VCAN: variants seen among roughly 807,000 people sequenced by gnomAD.
VCAN encodes versican.
A neutral mutation model predicts 245.5 loss-of-function variants in VCAN; 44 were observed. The ratio of observed to expected loss-of-function variants is 0.18; its 90% CI spans 0.14 to 0.23. The LOEUF (loss-of-function observed/expected upper bound fraction) is 0.23, where lower values mean the gene tolerates loss of function less well. Ranked by LOEUF, VCAN falls within the 10% of genes least tolerant of loss-of-function variation. VCAN has a pLI of 1.00. For synonymous variants in VCAN, 1,413 were observed against 1,437.0 expected, an observed-to-expected ratio of 0.98 and a Z score of 0.38; for missense variants, 3,793 against 4,057.9, an observed-to-expected ratio of 0.93 and a Z score of 1.77.
At position 83,490,136 on chromosome 5, in the gene VCAN, T is replaced by G. The variant is rs142740596; in HGVS notation, c.109T>G (p.Ser37Ala). 59 of 1,614,068 alleles carry G rather than the reference T, an allele frequency of 3.7e-5. No individual in the cohort carries two copies. The highest frequency in any genetic ancestry group is 1.3e-5 in the Non-Finnish European group (15 of 1,180,046). Residue 37 changes from serine to alanine, a missense_variant, in exon 3 of 15, where the codon TCT (serine) becomes GCT (alanine). Physicochemically the swap from Ser to Ala is moderately conservative, Grantham distance 99. Transcript: ENST00000265077. The part of the protein sequence containing the change: ...GKSPPVRGSL[S>A]GKVSLPCHFS... ...AAGCCCACCGGTGAGGGGCTCCCTC[T>G]CTGGAAAAGTCAGCCTACCTTGTCA...
intron 9 of VCAN, among the ~76,000 whole-genome samples, chr5:83,546,343 C>T (rs1363080745): frequency 2.0e-5 from 3 of 151,988 alleles, no homozygotes; most frequent in Non-Finnish European, 4.4e-5. Flanking sequence ...TTAGAGATAT[C>T]ATGAAGGTTT....
intron 5 of VCAN, among the ~76,000 whole-genome samples, chr5:83,509,956 C>T (rs188348971): frequency 1.1e-4 from 17 of 152,330 alleles, no homozygotes; most frequent in African/African-American, 4.1e-4. Context: ...AGAGACCTAG[C>T]TTCTTAATAA....
chr5:83,547,795 A>G (rs1317820932), intron 9 of VCAN, among the ~76,000 whole-genome samples, 176 bp from the exon 10 acceptor site: 1 of 152,238 alleles, frequency 6.6e-6, no homozygotes, highest in Non-Finnish European at 1.5e-5. Flanking sequence ...ACTTTGTAGT[A>G]TAGGTTTGCC....
intron 13 of VCAN, among the ~76,000 whole-genome samples, chr5:83,576,438 T>A (rs1748482751): frequency 6.6e-6 from 1 of 152,166 alleles, no homozygotes; most frequent in South Asian, 2.1e-4. Flanking sequence ...ATTTCTTGTA[T>A]AACTATACAA....
At chr5:83,472,990 C>T (rs780735203) in intron 1 of VCAN, among the ~76,000 whole-genome samples, 19 of 152,204 alleles carry the variant, frequency 1.2e-4, no homozygotes, top group Non-Finnish European at 2.6e-4. Flanking sequence ...CTGGGTCAGT[C>T]CTCTCGCCCA....
intron 6 of VCAN, among the ~76,000 whole-genome samples, chr5:83,516,563 G>A (rs1745864956): frequency 6.6e-6 from 1 of 152,242 alleles, no homozygotes; most frequent in African/African-American, 2.4e-5. Context: ...CATAAGTACA[G>A]TGATGTGAAA....
At chr5:83,533,072 G>A (rs1018867377) in intron 7 of VCAN, among the ~76,000 whole-genome samples, 4 of 151,972 alleles carry the variant, frequency 2.6e-5, no homozygotes, top group African/African-American at 4.8e-5. Flanking sequence ...ACACAATAGA[G>A]TTTATTTTAG....
intron 13 of VCAN, among the ~76,000 whole-genome samples, 193 bp downstream of exon 13, chr5:83,572,753 T>TA (rs1311301055): frequency 6.6e-6 from 1 of 152,140 alleles, no homozygotes; most frequent in Non-Finnish European, 1.5e-5. Context: ...GTTCTCACCT[T>TA]AGATTTCAGG....
At chr5:83,561,187 C>A (rs754157753) in intron 12 of VCAN, among the ~76,000 whole-genome samples, 1 of 152,096 alleles carries the variant, frequency 6.6e-6, no homozygotes, top group Non-Finnish European at 1.5e-5. Flanking sequence ...GGGAAATTAT[C>A]ACAGCTTCCT....
intron 7 of VCAN, chr5:83,531,521 G>C (rs1269628822): frequency 6.6e-6 from 1 of 152,036 alleles, no homozygotes; most frequent in Admixed American, 6.6e-5. Context: ...GCTGTCTATT[G>C]TATTTTTTAA....
In VCAN at chr5:83,483,575, T is replaced by G; in HGVS notation, c.57T>G (p.His19Gln). The G allele has an allele frequency of 6.2e-7, 1 of 1,613,400 alleles. No homozygotes were observed. Among genetic ancestry groups the G allele is most frequent in the South Asian group, 1.1e-5 (1 of 91,062 alleles). Residue 19 changes from histidine to glutamine, a missense_variant, in exon 2 of 15, where the codon CAT (histidine) becomes CAG (glutamine). This residue lies in a region of VCAN where 179 missense variants were observed against 169.7 expected (regional missense o/e 1.05). Transcript: ENST00000265077. Reference protein sequence around the residue: ...LWMCSTLIVTHALHKVKVGKS... With the variant: ...LWMCSTLIVTQALHKVKVGKS... ...TGTGTTCAACCTTAATAGTAACCCATGCGCTACATAAAGGTGAGTGTGCTA... is the reference window on the plus strand; with the variant it reads ...TGTGTTCAACCTTAATAGTAACCCAGGCGCTACATAAAGGTGAGTGTGCTA...
rs35648048 is a variant in VCAN at position 83,538,190 on chromosome 5, G to A, written c.5187G>A (p.Glu1729=). ...TVEEKKRKEE[E]GTTGTASTFE... is the part of the protein sequence containing the mutation. ...AGGAAAAGAAAAGGAAGGAGGAGGA[G>A]GGAACTACAGGTACGGCTTCTACAT... The change falls in exon 8 of 15, where the codon GAG becomes GAA. Residue 1729 remains glutamate, a synonymous_variant. Coordinates refer to ENST00000265077, the MANE Select transcript of VCAN (RefSeq NM_004385.5). 4.2e-3 allele frequency: 6,847 copies of A among 1,613,868 alleles called. 28 individuals are homozygous for A. The highest frequency in any genetic ancestry group is 5.4e-3 in the Non-Finnish European group (6,327 of 1,179,958).
intron 6 of VCAN, 111 bp downstream of exon 6, chr5:83,512,507 A>G: frequency 1.5e-6 from 2 of 1,316,892 alleles, no homozygotes; most frequent in South Asian, 1.4e-5. Context: ...CAGTGTGTGC[A>G]CGGAATGGAA....
intron 12 of VCAN, among the ~76,000 whole-genome samples, chr5:83,563,783 T>G (rs1440961954): frequency 6.6e-6 from 1 of 152,178 alleles, no homozygotes; most frequent in Admixed American, 6.5e-5. Flanking sequence ...GCAGGTGTCA[T>G]GTTTTCATAG....
intron 12 of VCAN, among the ~76,000 whole-genome samples, chr5:83,567,220 A>G (rs1463818407): frequency 6.6e-6 from 1 of 152,128 alleles, no homozygotes; most frequent in African/African-American, 2.4e-5. Flanking sequence ...TATACTAGAT[A>G]TAAAATAATT....
chr5:83,520,923 A>G lies in VCAN; in HGVS notation c.2617A>G (p.Ile873Val). 1 of 1,614,170 alleles carries G rather than the reference A, an allele frequency of 6.2e-7. No homozygotes were observed. The highest frequency in any genetic ancestry group is 1.7e-5 in the Admixed American group (1 of 60,026). The change falls in exon 7 of 15, where the codon ATA becomes GTA. Residue 873 changes from isoleucine to valine, a missense_variant. By Grantham distance (29) the Ile-to-Val change is conservative (BLOSUM62 3). This residue lies in a region of VCAN where 3,182 missense variants were observed against 3,250.3 expected (regional missense o/e 0.98). Coordinates refer to ENST00000265077, the MANE Select transcript of VCAN (RefSeq NM_004385.5). ...GTTAGAGGAGGTTACTGATGAAGAC[A>G]TAGCAGCCCATGGAAAATTCACAAT... is the stretch of plus-strand genomic sequence containing the variant. ...KQLEEVTDEDIAAHGKFTIRF... is the reference protein window; with the variant it reads ...KQLEEVTDEDVAAHGKFTIRF...
At chr5:83,498,458 C>T (rs990987539) in intron 5 of VCAN, among the ~76,000 whole-genome samples, 1 of 152,210 alleles carries the variant, frequency 6.6e-6, no homozygotes, top group Non-Finnish European at 1.5e-5. Context: ...TGCCTCCCTA[C>T]TCACCTTGAT....
chr5:83,508,281 T>C (rs892171389), intron 5 of VCAN, among the ~76,000 whole-genome samples: 36 of 152,348 alleles, frequency 2.4e-4, no homozygotes, highest in African/African-American at 7.9e-4. Flanking sequence ...TACTAAGTTA[T>C]GTGTGTTGTA....
intron 1 of VCAN, among the ~76,000 whole-genome samples, chr5:83,480,544 A>C (rs1217534596): frequency 6.6e-6 from 1 of 152,242 alleles, no homozygotes; most frequent in Non-Finnish European, 1.5e-5. Flanking sequence ...GTGTTTCTGC[A>C]TAAGAAATAG....
Sources: gnomAD v4.1 joint callset for allele counts (sites outside exome capture counted in the v4.1 genomes callset) on GRCh38, gnomAD v4.1.1 for gene constraint, gnomAD v4.1.1 regional missense constraint, MANE v1.5 for transcripts, NCBI Gene and HGNC (gene_info 2026-07-23, HGNC 2026-07-21) for gene names.